FBXL22: variants seen among roughly 807,000 people sequenced by gnomAD.
FBXL22 encodes F-box and leucine rich repeat protein 22.
A neutral mutation model predicts 11.7 loss-of-function variants in FBXL22; 13 were observed. The observed-to-expected ratio is 1.11, with a 90% confidence interval of 0.73 to 1.77. FBXL22 has a LOEUF of 1.77. FBXL22 is among the 40% of genes most tolerant of loss of function. FBXL22 has a pLI of 0.00. For synonymous variants in FBXL22, 160 were observed against 144.1 expected (o/e 1.11, Z -0.79); for missense variants, 406 against 320.4 (o/e 1.27, Z -2.04).
In FBXL22 at chr15:63,600,878, G is replaced by A. The variant is rs914730793; in HGVS notation, c.535G>A (p.Val179Met). Residue 179 changes from valine (V) to methionine (M), a missense_variant, in exon 2 of 2, where the codon GTG becomes ATG. Coordinates refer to ENST00000638704, the MANE Select transcript of FBXL22 (RefSeq NM_001367807.1). ...ADGRALQTLH[V>M]DFCRNVSAAG... is the part of the protein sequence containing the mutation. ...CGGGCGCGCGCTGCAGACATTGCAC[G>A]TGGACTTCTGCCGCAACGTGAGCGC... The A allele has an allele frequency of 3.3e-6, 4 of 1,226,802 alleles. No homozygotes were observed. The African/African-American group carries it at 4.7e-5, about 14-fold the overall frequency. The allele number at this position is 1,226,802 out of a possible 1,614,324, so 76.0% of individuals were successfully genotyped here. A position where few individuals can be genotyped will look rare whatever the true frequency, so the allele number is the denominator to read the frequency against.
At chr15:63,601,697 G>T (rs1013486618), downstream of FBXL22, 2 of 1,600,792 alleles carry the variant, frequency 1.2e-6, no homozygotes, top group Non-Finnish European at 1.7e-6. Context: ...CCGCACTCGC[G>T]ATTGTAGAAA....
chr15:63,602,126 C>A, downstream of FBXL22: 1 of 163,260 alleles, frequency 6.1e-6, no homozygotes. Context: ...CTTTACCCCT[C>A]CCAGGCCAGG....
At position 63,597,922 on chromosome 15, in the gene FBXL22, A is replaced by G. The variant is rs188260211; in HGVS notation, c.353+177A>G. Among the ~76,000 whole-genome samples, 1 of 152,316 alleles carries G rather than the reference A, an allele frequency of 6.6e-6. No homozygotes were observed. The highest frequency in any genetic ancestry group is 1.5e-5 in the Non-Finnish European group (1 of 68,026). On this transcript the variant is annotated intron_variant, in intron 1 of 1. Coordinates refer to ENST00000638704, the MANE Select transcript of FBXL22 (RefSeq NM_001367807.1). This position sits in a 1 kb window ranked among gnomAD's most constrained non-coding sequence, Gnocchi z 4.3. ...AGGGTCCCCAGGAGACAATAAAATC[A>G]TGAGGGAAACAATTGCTAATCCTCC... is the stretch of plus-strand genomic sequence containing the variant.
At chr15:63,599,227 T>G in intron 1 of FBXL22, 2 of 1,535,808 alleles carry the variant, frequency 1.3e-6, no homozygotes, top group Non-Finnish European at 1.7e-6. Flanking sequence ...AATCTGGTTC[T>G]TCTGGCACTC....
At chr15:63,600,638 G>A in intron 1 of FBXL22, 59 bp from the exon 2 acceptor site, 1 of 1,231,012 alleles carries the variant, frequency 8.1e-7, no homozygotes, top group Non-Finnish European at 1.0e-6. Flanking sequence ...CGGTCCCATG[G>A]GGCGGTTGGG....
chr15:63,602,848 G>A (rs576519109), downstream of FBXL22, among the ~76,000 whole-genome samples: 10 of 152,248 alleles, frequency 6.6e-5, no homozygotes, highest in African/African-American at 2.4e-4. Context: ...AGAGTGGCTG[G>A]AGCAGAGTGA....
chr15:63,601,586 G>A (rs1403736529), downstream of FBXL22: 2 of 1,571,364 alleles, frequency 1.3e-6, no homozygotes, highest in East Asian at 2.3e-5. Flanking sequence ...AAGCAGGGGC[G>A]CACGGGCAGA....
chr15:63,601,584 G>A, downstream of FBXL22: 2 of 1,569,854 alleles, frequency 1.3e-6, no homozygotes, highest in Non-Finnish European at 8.6e-7. Context: ...GGAAGCAGGG[G>A]CGCACGGGCA....
In FBXL22 at chr15:63,597,465, G is replaced by A; in HGVS notation, c.73G>A (p.Asp25Asn). 8.1e-6 allele frequency: 13 copies of A among 1,614,040 alleles called. No individual in the cohort carries two copies. Among genetic ancestry groups the A allele is most frequent in the Non-Finnish European group, 1.1e-5 (13 of 1,180,016 alleles). The change falls in exon 1 of 2, where the codon GAC (aspartate) becomes AAC (asparagine). Residue 25 changes from aspartate to asparagine, a missense_variant. Coordinates refer to ENST00000638704, the MANE Select transcript of FBXL22 (RefSeq NM_001367807.1). This position sits in a 1 kb window ranked among gnomAD's most constrained non-coding sequence, Gnocchi z 4.3. ...ECLLHLFSFL[D>N]KDSRKSLART... ...CCTGCTGCACCTCTTCTCCTTCCTA[G>A]ACAAGGACAGCAGGAAGAGCCTTGC...
At chr15:63,604,172 C>T (rs2067401887), downstream of FBXL22, among the ~76,000 whole-genome samples, 1 of 152,154 alleles carries the variant, frequency 6.6e-6, no homozygotes, top group African/African-American at 2.4e-5. Flanking sequence ...TGACCAAGGA[C>T]AGATTGGCCC....
Position 63,597,803 on chromosome 15 carries a change from G to A in FBXL22, c.353+58G>A, listed in dbSNP as rs528623394. Reference sequence around the variant, plus strand: ...CCCGCTAGCTCTGGCTTCCCTCTTGGGGGGCAGGGAAGAGCAAATTACGAG... The same window carrying A: ...CCCGCTAGCTCTGGCTTCCCTCTTGAGGGGCAGGGAAGAGCAAATTACGAG... On this transcript the variant is annotated intron_variant, in intron 1 of 1. Coordinates refer to ENST00000638704, the MANE Select transcript of FBXL22 (RefSeq NM_001367807.1). This position sits in a 1 kb window ranked among gnomAD's most constrained non-coding sequence, Gnocchi z 4.3. 8 of 1,483,916 alleles carry A rather than the reference G, an allele frequency of 5.4e-6. No individual in the cohort carries two copies. Among genetic ancestry groups the A allele is most frequent in the African/African-American group, 1.4e-5 (1 of 71,848 alleles). The allele number at this position is 1,483,916 out of a possible 1,614,324, so 91.9% of individuals were successfully genotyped here. A position where few individuals can be genotyped will look rare whatever the true frequency, so the allele number is the denominator to read the frequency against.
intron 1 of FBXL22, chr15:63,600,267 G>T: frequency 1.0e-6 from 1 of 995,642 alleles, no homozygotes; most frequent in Non-Finnish European, 1.2e-6. Flanking sequence ...CTCACGTCCC[G>T]CCGGGACATT....
downstream of FBXL22, among the ~76,000 whole-genome samples, chr15:63,602,851 C>T (rs1169842901): frequency 6.6e-6 from 1 of 152,110 alleles, no homozygotes; most frequent in Non-Finnish European, 1.5e-5. Flanking sequence ...GTGGCTGGAG[C>T]AGAGTGAATG....
chr15:63,599,442 G>A (rs2067328428), intron 1 of FBXL22: 1 of 1,347,154 alleles, frequency 7.4e-7, no homozygotes, highest in Non-Finnish European at 9.5e-7. Context: ...GCCCAGCAAG[G>A]TTCAGACATC....
chr15:63,601,539 A>G, downstream of FBXL22: 1 of 1,553,834 alleles, frequency 6.4e-7, no homozygotes, highest in Non-Finnish European at 8.7e-7. Context: ...CACCTCCAGG[A>G]GCCCCGGTGG....
At chr15:63,601,563 G>A (rs571105836), downstream of FBXL22, 3 of 1,541,498 alleles carry the variant, frequency 1.9e-6, no homozygotes, top group Middle Eastern at 1.7e-4. Flanking sequence ...TCTCGGTGAA[G>A]CAGGAGGAGG....
In FBXL22 at chr15:63,600,753, G is replaced by C. The variant is rs1446907215; in HGVS notation, c.410G>C (p.Cys137Ser). 1.6e-6 allele frequency: 2 copies of C among 1,231,342 alleles called. No homozygotes were observed. Among genetic ancestry groups the C allele is most frequent in the South Asian group, 8.2e-5 (2 of 24,324 alleles). 76.3% of individuals were successfully genotyped at this position (1,231,342 alleles called of 1,614,324 possible). Residue 137 changes from cysteine (C) to serine (S), a missense_variant, in exon 2 of 2, where the codon TGC becomes TCC. Cys to Ser is a moderately radical substitution (Grantham distance 112). Coordinates refer to ENST00000638704, the MANE Select transcript of FBXL22 (RefSeq NM_001367807.1). ...LSGCGHVTDD[C>S]LARLLRCCPR... Reference sequence around the variant, plus strand: ...GGCTGCGGCCACGTTACCGACGACTGCCTGGCGCGCCTGCTGCGCTGCTGC... The same window carrying C: ...GGCTGCGGCCACGTTACCGACGACTCCCTGGCGCGCCTGCTGCGCTGCTGC...
the FBXL22 span, among the ~76,000 whole-genome samples, chr15:63,608,092 G>A: frequency 6.6e-6 from 1 of 152,180 alleles, no homozygotes; most frequent in Non-Finnish European, 1.5e-5. Context: ...ATTGATACAT[G>A]CTAAGTGCCT....
chr15:63,602,326 T>C (rs1304118613), downstream of FBXL22: 2 of 152,254 alleles, frequency 1.3e-5, no homozygotes, highest in African/African-American at 4.8e-5. Flanking sequence ...TCAATGCCTG[T>C]AATCCCAGCA....
Sources: gnomAD v4.1 joint callset for allele counts (sites outside exome capture counted in the v4.1 genomes callset) on GRCh38, gnomAD v4.1.1 for gene constraint, Gnocchi (gnomAD v3.1) non-coding constraint, MANE v1.5 for transcripts, NCBI Gene and HGNC (gene_info 2026-07-23, HGNC 2026-07-21) for gene names.